The following LRRTM4 variants were observed in gnomAD, a reference collection of about 807,000 sequenced individuals.
LRRTM4 encodes leucine-rich repeat transmembrane neuronal protein 4.
In LRRTM4, 25 loss-of-function variants were observed where a neutral mutation model predicts 47.6. That is an observed-to-expected ratio of 0.53 (90% confidence interval 0.38 to 0.73). The LOEUF is 0.73. LRRTM4 is among the 30% of genes least tolerant of loss of function. LRRTM4 has a pLI of 0.00. For synonymous variants in LRRTM4, 311 were observed against 269.5 expected, an observed-to-expected ratio of 1.15 and a Z score of -1.51; for missense variants, 638 against 713.4, an observed-to-expected ratio of 0.89 and a Z score of 1.20.
At chr2:76,914,248 T>C (rs1378360734) in intron 3 of LRRTM4, among the ~76,000 whole-genome samples, 1 of 151,836 alleles carries the variant, frequency 6.6e-6, no homozygotes, top group Non-Finnish European at 1.5e-5. Flanking sequence ...TGAAGAACCA[T>C]ACATGAATAA....
intron 3 of LRRTM4, among the ~76,000 whole-genome samples, chr2:77,094,812 C>G (rs911268165): frequency 3.9e-5 from 6 of 152,242 alleles, no homozygotes; most frequent in African/African-American, 1.4e-4. Context: ...ACATGTAAGA[C>G]CCCAAATTGC....
At chr2:77,233,875 G>A (rs1180321175) in intron 3 of LRRTM4, among the ~76,000 whole-genome samples, 1 of 151,940 alleles carries the variant, frequency 6.6e-6, no homozygotes, top group Non-Finnish European at 1.5e-5. Context: ...CAACCTCCGC[G>A]TCCACCCCTG....
At chr2:76,788,986 A>G (rs934184170) in intron 3 of LRRTM4, among the ~76,000 whole-genome samples, 3 of 152,226 alleles carry the variant, frequency 2.0e-5, no homozygotes, top group African/African-American at 4.8e-5. Flanking sequence ...TCTTAGAGAC[A>G]TAAAACTTAC....
intron 3 of LRRTM4, among the ~76,000 whole-genome samples, chr2:77,021,159 T>C (rs1340981399): frequency 3.9e-5 from 6 of 152,066 alleles, no homozygotes; most frequent in Non-Finnish European, 8.8e-5. Flanking sequence ...GCCTTATCTA[T>C]ATGTATAGCC....
intron 3 of LRRTM4, among the ~76,000 whole-genome samples, chr2:77,498,248 A>G (rs1678437409): frequency 6.6e-6 from 1 of 151,826 alleles, no homozygotes; most frequent in Non-Finnish European, 1.5e-5. Flanking sequence ...CCCATATAAT[A>G]GAGGAAAATT....
chr2:77,144,112 C>G (rs776322177), intron 3 of LRRTM4, among the ~76,000 whole-genome samples: 1 of 152,092 alleles, frequency 6.6e-6, no homozygotes, highest in African/African-American at 2.4e-5. Context: ...CTTTAGCCAA[C>G]CCAGTGGGAA....
At chr2:77,329,031 G>C (rs1573261253) in intron 3 of LRRTM4, among the ~76,000 whole-genome samples, 1 of 152,256 alleles carries the variant, frequency 6.6e-6, no homozygotes, top group East Asian at 1.9e-4. Context: ...CATGCGTCTT[G>C]TCCGAGATGG....
intron 3 of LRRTM4, among the ~76,000 whole-genome samples, chr2:76,751,791 G>C (rs569232165): frequency 1.3e-5 from 2 of 152,100 alleles, no homozygotes; most frequent in Non-Finnish European, 2.9e-5. Context: ...GCATCGAAAT[G>C]TAAGAAGACA....
In LRRTM4 at chr2:76,877,707, T is replaced by C. The variant is rs60705325; in HGVS notation, c.1552-128791A>G. On this transcript the variant is annotated intron_variant, in intron 3 of 3. Transcript: ENST00000409884. ...TTTATCAGTGACACCTAGATATAAA[T>C]TCAATATGAAGTCTAAGTAATAAAA... Among the ~76,000 whole-genome samples, 230 of 152,278 alleles carry C rather than the reference T, an allele frequency of 1.5e-3. 2 individuals carry two copies. The highest frequency in any genetic ancestry group is 5.2e-3 in the African/African-American group (218 of 41,566).
chr2:76,872,896 C>G (rs116347931), intron 3 of LRRTM4, among the ~76,000 whole-genome samples: 6 of 152,128 alleles, frequency 3.9e-5, no homozygotes, highest in African/African-American at 1.4e-4. Context: ...TCCCACTCAC[C>G]CTTGCTCCCT....
intron 1 of LRRTM4, 26 bp downstream of exon 1, chr2:77,522,083 G>A: frequency 1.4e-6 from 1 of 715,636 alleles, no homozygotes; most frequent in Non-Finnish European, 2.6e-6. Flanking sequence ...TAAAAAGAGA[G>A]GAAAAAAAGA....
Position 77,073,055 on chromosome 2 carries a change from A to G in LRRTM4, c.1552-324139T>C, listed in dbSNP as rs139923656. On this transcript the variant is annotated intron_variant, in intron 3 of 3. Coordinates refer to ENST00000409884, the MANE Select transcript of LRRTM4 (RefSeq NM_001134745.3). ...AGATCTTTCAGCATGCAGAATATCA[A>G]TCTGCATCCCAGACCAGTGGCATCA... Among the ~76,000 whole-genome samples the G allele has an allele frequency of 8.8e-3, 1,339 of 152,256 alleles. 24 individuals carry two copies. The highest frequency in any genetic ancestry group is 0.03 in the African/African-American group (1,261 of 41,556).
chr2:76,748,981 C>T (rs1672752619), intron 3 of LRRTM4, 65 bp from the exon 4 acceptor site: 22 of 1,315,408 alleles, frequency 1.7e-5, no homozygotes, highest in Non-Finnish European at 2.4e-5. Flanking sequence ...GGACAGCACT[C>T]ATCAGGTTGT....
intron 3 of LRRTM4, among the ~76,000 whole-genome samples, chr2:77,058,951 GTTT>G (rs549690646): frequency 6.6e-6 from 1 of 151,754 alleles, no homozygotes; most frequent in Non-Finnish European, 1.5e-5. Flanking sequence ...AGAAATTAGA[GTTT>G]TTTATTGAGT....
intron 3 of LRRTM4, among the ~76,000 whole-genome samples, chr2:77,383,025 A>C (rs73941247): frequency 0.03 from 4,511 of 152,098 alleles, 231 homozygotes; most frequent in African/African-American, 0.1. Context: ...AAATTCCCCC[A>C]GTTTCTCATG....
At chr2:77,380,594 C>T (rs879349478) in intron 3 of LRRTM4, among the ~76,000 whole-genome samples, 6 of 151,862 alleles carry the variant, frequency 4.0e-5, no homozygotes, top group Non-Finnish European at 8.8e-5. Flanking sequence ...GTCAGGAGTT[C>T]GAGACCATCT....
intron 3 of LRRTM4, among the ~76,000 whole-genome samples, chr2:76,969,497 G>T (rs908430189): frequency 6.6e-6 from 1 of 151,768 alleles, no homozygotes; most frequent in African/African-American, 2.4e-5. Flanking sequence ...CATTCAGGTG[G>T]ACATCCAGAT....
At chr2:76,884,447 A>G (rs1169023863) in intron 3 of LRRTM4, among the ~76,000 whole-genome samples, 1 of 152,198 alleles carries the variant, frequency 6.6e-6, no homozygotes, top group East Asian at 1.9e-4. Context: ...CCAAAGACAG[A>G]CAGATGTTTA....
At chr2:76,911,562 C>T (rs1037372159) in intron 3 of LRRTM4, among the ~76,000 whole-genome samples, 2 of 151,940 alleles carry the variant, frequency 1.3e-5, no homozygotes, top group African/African-American at 4.8e-5. Context: ...TTACTGTGTC[C>T]TTGAATGGAT....
Sources: gnomAD v4.1 joint callset for allele counts (sites outside exome capture counted in the v4.1 genomes callset) on GRCh38, gnomAD v4.1.1 for gene constraint, MANE v1.5 for transcripts, NCBI Gene and HGNC (gene_info 2026-07-23, HGNC 2026-07-21) for gene names.